EYA1: variants seen among roughly 807,000 people sequenced by gnomAD.
EYA1 encodes the protein protein phosphatase EYA1.
Under a neutral mutation model 82.0 loss-of-function variants are expected in EYA1, and 16 were observed. The ratio of observed to expected loss-of-function variants is 0.20; its 90% CI spans 0.13 to 0.30. EYA1 has a LOEUF of 0.30. Ranked by LOEUF, EYA1 falls within the 10% of genes least tolerant of loss-of-function variation. The pLI, the probability that EYA1 is intolerant of heterozygous loss-of-function variation, is 1.00. For missense variants in EYA1, 633 were observed against 730.7 expected (o/e 0.87, Z 1.54); for synonymous variants, 261 against 264.4 (o/e 0.99, Z 0.12).
intron 3 of EYA1, among the ~76,000 whole-genome samples, chr8:71,348,581 C>G (rs1412432748): frequency 3.3e-5 from 5 of 152,196 alleles, no homozygotes. Context: ...TAGTTGCAGG[C>G]AATCAGCACT....
At chr8:71,449,885 T>C (rs1167959017) in intron 2 of EYA1, among the ~76,000 whole-genome samples, 1 of 152,218 alleles carries the variant, frequency 6.6e-6, no homozygotes, top group Non-Finnish European at 1.5e-5. Flanking sequence ...GGAAACTTAC[T>C]GCATCTTCTG....
intron 2 of EYA1, among the ~76,000 whole-genome samples, chr8:71,528,072 C>G (rs1368595256): frequency 1.3e-5 from 2 of 152,106 alleles, no homozygotes; most frequent in African/African-American, 4.8e-5. Flanking sequence ...GCCCCAATTG[C>G]TAACTGCTCA....
At chr8:71,448,585 T>A (rs929843028) in intron 2 of EYA1, among the ~76,000 whole-genome samples, 2 of 152,366 alleles carry the variant, frequency 1.3e-5, no homozygotes, top group South Asian at 2.1e-4. Flanking sequence ...GGATCACAAA[T>A]GTTCTTAATG....
intron 2 of EYA1, chr8:71,471,015 T>C (rs1331248184): frequency 4.8e-6 from 2 of 415,368 alleles, no homozygotes; most frequent in African/African-American, 4.2e-5. Flanking sequence ...AAAAAATTTA[T>C]TGCTTTTACT....
chr8:71,397,302 T>C (rs1049482647), intron 2 of EYA1, among the ~76,000 whole-genome samples: 1 of 152,230 alleles, frequency 6.6e-6, no homozygotes, highest in African/African-American at 2.4e-5. Context: ...AAGGTTAATA[T>C]TGTTATGTGT....
chr8:71,519,255 T>C (rs1813214443), intron 2 of EYA1, among the ~76,000 whole-genome samples: 1 of 152,208 alleles, frequency 6.6e-6, no homozygotes, highest in South Asian at 2.1e-4. Context: ...ACTTAAAATC[T>C]ATTCATTTTT....
At chr8:71,402,666 T>C (rs1002671139) in intron 2 of EYA1, among the ~76,000 whole-genome samples, 4 of 152,204 alleles carry the variant, frequency 2.6e-5, no homozygotes, top group Non-Finnish European at 2.9e-5. Context: ...AAATTTTGCA[T>C]TGAAGAGTAG....
chr8:71,486,307 T>G (rs1382921473), intron 2 of EYA1, among the ~76,000 whole-genome samples: 1 of 150,788 alleles, frequency 6.6e-6, no homozygotes. Flanking sequence ...ACCTCAACAA[T>G]CCTGGGAGGC....
In EYA1 at chr8:71,362,029, G is replaced by C. The variant is rs1465606765; in HGVS notation, c.-437C>G. 2.0e-6 allele frequency: 2 copies of C among 985,328 alleles called. No homozygotes were observed. The highest frequency in any genetic ancestry group is 6.1e-5 in the Admixed American group (1 of 16,264). 61.0% of individuals were successfully genotyped at this position (985,328 alleles called of 1,614,324 possible). The stretch of plus-strand genomic sequence containing the variant: ...GTTTGGTAACAGCTTTGCGCCCAGC[G>C]CTCCTTCCCCACCAAACAGCAGCGG... On this transcript the variant is annotated 5_prime_UTR_variant, in exon 1 of 18. Coordinates refer to ENST00000340726, the MANE Select transcript of EYA1 (RefSeq NM_000503.6).
intron 3 of EYA1, among the ~76,000 whole-genome samples, chr8:71,341,856 CATT>C: frequency 6.6e-6 from 1 of 152,220 alleles, no homozygotes; most frequent in South Asian, 2.1e-4. Flanking sequence ...CAAAAAGAAA[CATT>C]AGTCTATTTC....
intron 12 of EYA1, among the ~76,000 whole-genome samples, chr8:71,224,798 GTCTTAAGGGAATGCTCT>G (rs1202512960): frequency 1.3e-5 from 2 of 152,146 alleles, no homozygotes; most frequent in Non-Finnish European, 2.9e-5. Flanking sequence ...AGTGACAAAG[GTCTTAAGGGAATGCTCT>G]CCATGGTGGT....
At chr8:71,504,831 T>C (rs1325549275) in intron 2 of EYA1, among the ~76,000 whole-genome samples, 9 of 152,172 alleles carry the variant, frequency 5.9e-5, no homozygotes, top group Admixed American at 5.9e-4. Flanking sequence ...AGACACAGTC[T>C]CCCTCTGCCC....
intron 2 of EYA1, among the ~76,000 whole-genome samples, chr8:71,489,132 T>C (rs1181288011): frequency 6.6e-6 from 1 of 152,224 alleles, no homozygotes; most frequent in Non-Finnish European, 1.5e-5. Context: ...CTGTTAATCC[T>C]GTAACTGAAC....
intron 9 of EYA1, among the ~76,000 whole-genome samples, chr8:71,277,457 C>T (rs1384703781): frequency 1.3e-5 from 2 of 152,100 alleles, no homozygotes; most frequent in African/African-American, 2.4e-5. Flanking sequence ...TGGCCCTTGT[C>T]TCCTTTTCTC....
chr8:71,409,995 A>T (rs1453873298), intron 2 of EYA1, among the ~76,000 whole-genome samples: 1 of 151,230 alleles, frequency 6.6e-6, no homozygotes, highest in East Asian at 2.0e-4. Flanking sequence ...GGCAAACCGA[A>T]TCCAGCAGCA....
rs201509408 is a variant in EYA1 at position 71,299,202 on chromosome 8, C to A, written c.671G>T (p.Gly224Val). 1.4e-4 allele frequency: 231 copies of A among 1,614,082 alleles called. 1 individual carries two copies. The East Asian group carries it at 5.0e-3, about 35-fold the overall frequency. Reference protein sequence around the residue: ...DYPSYPSFGQGQYAQYYNSSP... With the variant: ...DYPSYPSFGQVQYAQYYNSSP... ...GCTGTTATAATACTGTGCGTACTGA[C>A]CCTGGCCAAAACTGGGATAAGACGG... The change falls in exon 9 of 18, where the codon GGT becomes GTT. Residue 224 changes from glycine to valine, a missense_variant. Gly to Val is a moderately radical substitution (Grantham distance 109). Transcript: ENST00000340726.
intron 9 of EYA1, among the ~76,000 whole-genome samples, chr8:71,283,104 T>C (rs952489405): frequency 6.7e-6 from 1 of 149,658 alleles, no homozygotes; most frequent in African/African-American, 2.4e-5. Flanking sequence ...TACTACAGCT[T>C]CTCTTCCTCC....
chr8:71,414,838 A>C (rs1323877492), intron 2 of EYA1, among the ~76,000 whole-genome samples: 2 of 152,234 alleles, frequency 1.3e-5, no homozygotes, highest in Non-Finnish European at 2.9e-5. Context: ...ACTTCTTTCT[A>C]AAGTACAGAA....
At chr8:71,305,948 C>T (rs139654796) in intron 7 of EYA1, among the ~76,000 whole-genome samples, 327 of 152,296 alleles carry the variant, frequency 2.1e-3, no homozygotes, top group Non-Finnish European at 3.1e-3. Context: ...TTTATAGGTG[C>T]AACTCTAGAG....
Sources: allele counts gnomAD v4.1 joint callset (sites outside exome capture counted in the v4.1 genomes callset), GRCh38; gene constraint gnomAD v4.1.1; transcripts MANE v1.5; gene names NCBI Gene and HGNC (gene_info 2026-07-23, HGNC 2026-07-21).